Variants in USH1C observed in about 807,000 individuals in gnomAD.
USH1C encodes harmonin.
USH1C carries 90 observed loss-of-function variants against 119.3 expected under a neutral mutation model. The observed-to-expected ratio is 0.75, with a 90% CI of 0.64 to 0.90. The LOEUF (loss-of-function observed/expected upper bound fraction) is 0.90. Ranked by LOEUF, USH1C falls within the 40% of genes least tolerant of loss-of-function variation. The probability of loss-of-function intolerance (pLI) is 0.00; values close to 1 mark genes in which losing one functional copy is unlikely to be tolerated. For missense variants in USH1C, 1,165 were observed against 1,167.7 expected, an observed-to-expected ratio of 1.00 and a Z score of 0.03; for synonymous variants, 465 against 443.3, an observed-to-expected ratio of 1.05 and a Z score of -0.62.
rs78503120 is a variant in USH1C, at chr11:17,502,962, C to G, written c.2185-982G>C. 5.2e-3 allele frequency among the ~76,000 whole-genome samples: 799 copies of G among 152,248 alleles called. 6 individuals are homozygous for G. The highest frequency in any genetic ancestry group is 0.016 in the African/African-American group (670 of 41,554). On this transcript the variant is annotated intron_variant, in intron 20 of 26. Coordinates refer to ENST00000005226, the MANE Select transcript of USH1C (RefSeq NM_153676.4). ...AGGTCCCTAGACCACACCAAGTGAC[C>G]CATGGGGCCCATGGTCTGTGTGGTG... is the stretch of plus-strand genomic sequence containing the variant.
rs1389319064 is a variant in USH1C at position 17,510,395 on chromosome 11, G to A, written c.1530+10C>T. On this transcript the variant is annotated intron_variant, in intron 17 of 26. Transcript: ENST00000005226. ...CAGGAGGGTCTATGTGGAAAGAAGG[G>A]CTCTGTTACCTCTGAAATCTCATTA... 2 of 1,605,212 alleles carry A rather than the reference G, an allele frequency of 1.2e-6. No individual in the cohort carries two copies. The highest frequency in any genetic ancestry group is 8.5e-7 in the Non-Finnish European group (1 of 1,173,850).
chr11:17,519,093 C>T (rs1850295980), intron 14 of USH1C, among the ~76,000 whole-genome samples: 1 of 142,038 alleles, frequency 7.0e-6, no homozygotes, highest in African/African-American at 2.9e-5. Context: ...CTATTGCAAA[C>T]TGGGTGCTGA....
At chr11:17,501,904 G>C in intron 21 of USH1C, 35 bp downstream of exon 21, 1 of 1,609,878 alleles carries the variant, frequency 6.2e-7, no homozygotes. Context: ...CTGTTCCTGG[G>C]GTTACTTGTC....
At chr11:17,535,788 A>G (rs1284318024) in intron 1 of USH1C, among the ~76,000 whole-genome samples, 1 of 152,178 alleles carries the variant, frequency 6.6e-6, no homozygotes, top group African/African-American at 2.4e-5. Flanking sequence ...CATTGGGGCA[A>G]TATTCTCACA....
At chr11:17,533,450 A>T (rs1208423435) in intron 1 of USH1C, 128 bp from the exon 2 acceptor site, 5 of 739,344 alleles carry the variant, frequency 6.8e-6, no homozygotes, top group Non-Finnish European at 1.2e-5. Context: ...GTGAGGAGAG[A>T]AGAGGAGCCA....
At position 17,531,512 on chromosome 11, in the gene USH1C, G is replaced by A. The variant is rs140319839; in HGVS notation, c.135C>T (p.Asp45=). Residue 45 remains aspartate, a synonymous_variant, in exon 3 of 27, where the codon GAC becomes GAT. Coordinates refer to ENST00000005226, the MANE Select transcript of USH1C (RefSeq NM_153676.4). The surrounding 1 kb of genome is among the most constrained non-coding windows in gnomAD (Gnocchi z 4.2). Reference sequence around the variant, plus strand: ...TGGGTTCATTGATGACCAGCTTCAGGTCTCCCACGAGCACGGCCACGTCCA... The same window carrying A: ...TGGGTTCATTGATGACCAGCTTCAGATCTCCCACGAGCACGGCCACGTCCA... ...QTMDVAVLVG[D]LKLVINEPSR... 3.7e-6 allele frequency: 6 copies of A among 1,613,724 alleles called. No individual in the cohort carries two copies. In the Admixed American group the frequency reaches 8.3e-5, roughly 22 times the overall value.
chr11:17,532,258 A>C (rs909148546), intron 2 of USH1C, among the ~76,000 whole-genome samples: 3 of 152,118 alleles, frequency 2.0e-5, no homozygotes, highest in Admixed American at 2.0e-4. Context: ...CTCATTCTGG[A>C]ATGCCCTTCC....
At chr11:17,542,610 A>G (rs773010110) in intron 1 of USH1C, among the ~76,000 whole-genome samples, 20 of 152,236 alleles carry the variant, frequency 1.3e-4, no homozygotes, top group South Asian at 4.1e-4. Context: ...ATCAGACACC[A>G]GGGACCCTGG....
intron 9 of USH1C, 110 bp from the exon 10 acceptor site, chr11:17,523,588 G>T: frequency 1.9e-6 from 2 of 1,032,884 alleles, no homozygotes; most frequent in Non-Finnish European, 3.0e-6. Flanking sequence ...TCTTCAAGTG[G>T]CAGTACCTCA....
intron 1 of USH1C, among the ~76,000 whole-genome samples, chr11:17,537,460 G>A (rs919460537): frequency 5.3e-5 from 8 of 152,296 alleles, no homozygotes; most frequent in African/African-American, 1.4e-4. Context: ...AGTGGCGTCC[G>A]TTGATGAAAC....
chr11:17,520,871 C>G lies in USH1C; in HGVS notation c.1209G>C (p.Lys403Asn). The G allele has an allele frequency of 6.2e-7, 1 of 1,614,202 alleles. No individual in the cohort carries two copies. Among genetic ancestry groups the G allele is most frequent in the South Asian group, 1.1e-5 (1 of 91,086 alleles). Reference sequence around the variant, plus strand: ...CTCCCCTCGGCTCATGAAACTTACACTTTGGCTTGCGAAGGGGTACTGGGT... The same window carrying G: ...CTCCCCTCGGCTCATGAAACTTACAGTTTGGCTTGCGAAGGGGTACTGGGT... The part of the protein sequence containing the change: ...EVHPVPLRKP[K>N]SFGWFYRYDG... The change falls in exon 14 of 27, where the codon AAG (lysine) becomes AAC (asparagine). Residue 403 changes from lysine (K) to asparagine (N), a missense_variant and splice_region_variant. By Grantham distance (94) the Lys-to-Asn change is moderately conservative (BLOSUM62 0). Transcript: ENST00000005226.
Position 17,501,031 on chromosome 11 carries a change from T to G in USH1C, c.2380+20A>C. 6.2e-7 allele frequency: 1 copy of G among 1,603,750 alleles called. No individual in the cohort carries two copies. Among genetic ancestry groups the G allele is most frequent in the South Asian group, 1.1e-5 (1 of 90,490 alleles). Reference sequence around the variant, plus strand: ...CCACTGTATCATCCCCAAACCTGGGTGTGGCTAGTCTCCACTCACCATGCC... The same window carrying G: ...CCACTGTATCATCCCCAAACCTGGGGGTGGCTAGTCTCCACTCACCATGCC... On this transcript the variant is annotated intron_variant, in intron 23 of 26. Coordinates refer to ENST00000005226, the MANE Select transcript of USH1C (RefSeq NM_153676.4).
chr11:17,510,642 A>G, intron 16 of USH1C, 121 bp from the exon 17 acceptor site: 2 of 784,156 alleles, frequency 2.6e-6, no homozygotes, highest in Admixed American at 1.9e-5. Flanking sequence ...TGCATCAGCT[A>G]TCTAGAAAGA....
chr11:17,516,640 C>T (rs979957656), intron 14 of USH1C: 2 of 370,262 alleles, frequency 5.4e-6, no homozygotes, highest in African/African-American at 4.2e-5. Context: ...ACATACAAAG[C>T]CTTGTTGAAA....
intron 1 of USH1C, among the ~76,000 whole-genome samples, chr11:17,543,844 T>C (rs1217094001): frequency 1.3e-5 from 2 of 152,236 alleles, no homozygotes; most frequent in African/African-American, 2.4e-5. Context: ...GAGAGACGTC[T>C]AGTTTCCCTT....
At chr11:17,529,581 G>C (rs552383662) in intron 4 of USH1C, among the ~76,000 whole-genome samples, 1 of 152,246 alleles carries the variant, frequency 6.6e-6, no homozygotes, top group African/African-American at 2.4e-5. Context: ...TCTGAGTAAA[G>C]TTCCCTGTCT....
In USH1C at chr11:17,527,315, A is replaced by G. The variant is rs1266804422; in HGVS notation, c.404T>C (p.Val135Ala). 6.2e-7 allele frequency: 1 copy of G among 1,612,314 alleles called. No homozygotes were observed. Among genetic ancestry groups the G allele is most frequent in the Non-Finnish European group, 8.5e-7 (1 of 1,179,878 alleles). Residue 135 changes from valine to alanine, a missense_variant, in exon 5 of 27, where the codon GTC becomes GCC. By Grantham distance (64) the Val-to-Ala change is moderately conservative. Coordinates refer to ENST00000005226, the MANE Select transcript of USH1C (RefSeq NM_153676.4). Reference protein sequence around the residue: ...SVGLQVGDEIVRINGYSISSC... With the variant: ...SVGLQVGDEIARINGYSISSC... Reference sequence around the variant, plus strand: ...GGAGATGGAATATCCATTGATCCGGACGATCTCGTCCCCTACCTTGACCAC... The same window carrying G: ...GGAGATGGAATATCCATTGATCCGGGCGATCTCGTCCCCTACCTTGACCAC...
At chr11:17,515,604 C>T (rs573804042) in intron 15 of USH1C, among the ~76,000 whole-genome samples, 11 of 152,084 alleles carry the variant, frequency 7.2e-5, no homozygotes, top group Non-Finnish European at 1.6e-4. Flanking sequence ...ATATTAACAG[C>T]AATGTTTTCA....
At chr11:17,516,422 G>T in intron 14 of USH1C, 132 bp from the exon 15 acceptor site, 1 of 886,456 alleles carries the variant, frequency 1.1e-6, no homozygotes, top group Non-Finnish European at 1.8e-6. Flanking sequence ...AGATCCGACA[G>T]CAAAACTGCA....
Sources: allele counts gnomAD v4.1 joint callset (sites outside exome capture counted in the v4.1 genomes callset), GRCh38; gene constraint gnomAD v4.1.1; non-coding constraint Gnocchi (gnomAD v3.1); transcripts MANE v1.5; gene names NCBI Gene and HGNC (gene_info 2026-07-23, HGNC 2026-07-21).